The following CRPPA variants were observed in gnomAD, a reference collection of about 807,000 sequenced individuals.
CRPPA encodes CDP-L-ribitol pyrophosphorylase A.
In CRPPA, 43 loss-of-function variants were observed where a neutral mutation model predicts 52.0. The observed-to-expected ratio is 0.83, with a 90% CI of 0.65 to 1.07. CRPPA has a LOEUF of 1.07. Among genes scored for constraint, CRPPA ranks in the 50% least tolerant of loss-of-function variants. The pLI is 0.00. For synonymous variants in CRPPA, 250 were observed against 203.5 expected (o/e 1.23, Z -1.94); for missense variants, 629 against 551.7 (o/e 1.14, Z -1.40).
At chr7:16,323,451 T>C (rs1271747695) in intron 3 of CRPPA, among the ~76,000 whole-genome samples, 2 of 152,186 alleles carry the variant, frequency 1.3e-5, no homozygotes, top group Admixed American at 6.5e-5. Flanking sequence ...AGGCCTTGTA[T>C]GTTTCTATTC....
intron 5 of CRPPA, among the ~76,000 whole-genome samples, chr7:16,288,472 C>T (rs1467615382): frequency 4.6e-5 from 7 of 151,610 alleles, no homozygotes; most frequent in Admixed American, 4.6e-4. Flanking sequence ...GCTGATGATG[C>T]AACCCAAAGA....
intron 9 of CRPPA, among the ~76,000 whole-genome samples, chr7:16,153,825 TA>T (rs1783122974): frequency 6.6e-6 from 1 of 152,236 alleles, no homozygotes; most frequent in South Asian, 2.1e-4. Context: ...TAAGCAGCAT[TA>T]TCTTTCTACC....
intron 3 of CRPPA, among the ~76,000 whole-genome samples, chr7:16,344,037 G>C (rs1785938695): frequency 6.6e-6 from 1 of 152,130 alleles, no homozygotes; most frequent in Admixed American, 6.5e-5. Context: ...AAAGAAAACA[G>C]ACTTTATGGA....
rs559020028 is a variant in CRPPA, at chr7:16,331,372, G to A, written c.685-22745C>T. Among the ~76,000 whole-genome samples the A allele has an allele frequency of 5.9e-5, 9 of 152,104 alleles. No individual in the cohort carries two copies. The South Asian group carries it at 1.7e-3, about 28-fold the overall frequency. On this transcript the variant is annotated intron_variant, in intron 3 of 9. Coordinates refer to ENST00000407010, the MANE Select transcript of CRPPA (RefSeq NM_001101426.4). ...TCATAGGACTATGGAATGCTTTCCC[G>A]CCCCCACACCTTGCCACATTACTAA...
chr7:16,375,236 C>T (rs1013831970), intron 3 of CRPPA, among the ~76,000 whole-genome samples: 1 of 152,138 alleles, frequency 6.6e-6, no homozygotes, highest in South Asian at 2.1e-4. Flanking sequence ...ATCCTTATGG[C>T]CACTCTTCTA....
chr7:16,174,056 G>A (rs192245949), intron 9 of CRPPA, among the ~76,000 whole-genome samples: 1 of 152,178 alleles, frequency 6.6e-6, no homozygotes, highest in Admixed American at 6.5e-5. Context: ...AGAATACATT[G>A]CCTTTGTGAT....
chr7:16,094,769 A>G (rs1781903848), intron 9 of CRPPA, among the ~76,000 whole-genome samples: 1 of 152,130 alleles, frequency 6.6e-6, no homozygotes, highest in South Asian at 2.1e-4. Context: ...CTGTACCTCC[A>G]GGCTAATCAT....
At chr7:16,159,597 C>G (rs1370635226) in intron 9 of CRPPA, among the ~76,000 whole-genome samples, 1 of 152,108 alleles carries the variant, frequency 6.6e-6, no homozygotes, top group South Asian at 2.1e-4. Flanking sequence ...TTTTCTTTAT[C>G]CAGTCTATCA....
At chr7:16,140,928 T>C (rs1782857529) in intron 9 of CRPPA, among the ~76,000 whole-genome samples, 1 of 152,204 alleles carries the variant, frequency 6.6e-6, no homozygotes, top group South Asian at 2.1e-4. Flanking sequence ...ACATTTCATA[T>C]GAAAAAGAAA....
At chr7:16,101,586 C>G (rs559580697) in intron 9 of CRPPA, among the ~76,000 whole-genome samples, 2 of 151,164 alleles carry the variant, frequency 1.3e-5, no homozygotes, top group African/African-American at 2.4e-5. Flanking sequence ...GTTTGTTAAT[C>G]TTTTAAAAAA....
chr7:16,374,539 T>C (rs1434768344), intron 3 of CRPPA, among the ~76,000 whole-genome samples: 5 of 152,212 alleles, frequency 3.3e-5, no homozygotes, highest in Non-Finnish European at 7.3e-5. Context: ...CCTAATGCAC[T>C]GCTCAGCTCC....
chr7:16,393,332 T>C (rs903520154), intron 2 of CRPPA, among the ~76,000 whole-genome samples: 1 of 152,124 alleles, frequency 6.6e-6, no homozygotes, highest in Non-Finnish European at 1.5e-5. Flanking sequence ...AGGGACTTGA[T>C]CTAGCAGTAT....
chr7:16,269,046 G>A (rs1397424310), intron 6 of CRPPA: 2 of 152,148 alleles, frequency 1.3e-5, no homozygotes, highest in East Asian at 3.9e-4. Flanking sequence ...ATTGATGGAT[G>A]GCCCAGAGGC....
chr7:16,260,987 TG>T (rs1783779502), intron 6 of CRPPA, among the ~76,000 whole-genome samples: 1 of 152,016 alleles, frequency 6.6e-6, no homozygotes, highest in South Asian at 2.1e-4. Flanking sequence ...ATGAACAATG[TG>T]GGAAAGTTCT....
intron 9 of CRPPA, among the ~76,000 whole-genome samples, chr7:16,182,725 C>A (rs1781435373): frequency 6.6e-6 from 1 of 152,132 alleles, no homozygotes; most frequent in South Asian, 2.1e-4. Context: ...ACTGCTCCCC[C>A]ACAGCAATTT....
intron 5 of CRPPA, among the ~76,000 whole-genome samples, chr7:16,299,122 C>T (rs1583501056): frequency 6.6e-6 from 1 of 152,180 alleles, no homozygotes; most frequent in Admixed American, 6.5e-5. Context: ...CTGATTAATA[C>T]ACTAGGAAAA....
At chr7:16,363,208 A>G (rs1786502966) in intron 3 of CRPPA, among the ~76,000 whole-genome samples, 1 of 152,204 alleles carries the variant, frequency 6.6e-6, no homozygotes, top group African/African-American at 2.4e-5. Flanking sequence ...ATAATGAGAT[A>G]TGACTATATC....
At chr7:16,202,845 C>T (rs1781889725) in intron 9 of CRPPA, among the ~76,000 whole-genome samples, 1 of 152,120 alleles carries the variant, frequency 6.6e-6, no homozygotes, top group Non-Finnish European at 1.5e-5. Context: ...AGTTCTCAGC[C>T]CAATCCCTCC....
At chr7:16,343,196 A>G (rs1021364506) in intron 3 of CRPPA, among the ~76,000 whole-genome samples, 2 of 152,156 alleles carry the variant, frequency 1.3e-5, no homozygotes, top group African/African-American at 4.8e-5. Flanking sequence ...AAAAATGATC[A>G]AAATCATTTT....
Sources: allele counts gnomAD v4.1 joint callset (sites outside exome capture counted in the v4.1 genomes callset), GRCh38; gene constraint gnomAD v4.1.1; transcripts MANE v1.5; gene names NCBI Gene and HGNC (gene_info 2026-07-23, HGNC 2026-07-21).